FOXJ2: variants seen among roughly 807,000 people sequenced by gnomAD.
FOXJ2 encodes the protein forkhead box J2.
Under a neutral mutation model 68.4 loss-of-function variants are expected in FOXJ2, and 18 were observed. The ratio of observed to expected loss-of-function variants is 0.26; its 90% confidence interval spans 0.18 to 0.39. The LOEUF is 0.39. FOXJ2 is among the 10% of genes least tolerant of loss of function. The probability of loss-of-function intolerance (pLI) is 1.00; values close to 1 mark genes in which losing one functional copy is unlikely to be tolerated. For missense variants in FOXJ2, 670 were observed against 726.5 expected (o/e 0.92, Z 0.89); for synonymous variants, 274 against 263.2 (o/e 1.04, Z -0.40).
intron 3 of FOXJ2, 117 bp downstream of exon 3, chr12:8,042,849 A>C: frequency 1.2e-6 from 1 of 837,064 alleles, no homozygotes. Flanking sequence ...CTAATTAGAG[A>C]AGCATCTTTA....
chr12:8,039,978 A>G lies in FOXJ2; in HGVS notation c.146A>G (p.Asp49Gly). 6.2e-7 allele frequency: 1 copy of G among 1,614,050 alleles called. No individual in the cohort carries two copies. Among genetic ancestry groups the G allele is most frequent in the Non-Finnish European group, 8.5e-7 (1 of 1,180,012 alleles). Residue 49 changes from aspartate to glycine, a missense_variant, in exon 2 of 11, where the codon GAT becomes GGT. Physicochemically the swap from Asp to Gly is moderately conservative, Grantham distance 94 (BLOSUM62 -1). Around this residue, in one of 2 missense-constraint regions of FOXJ2, gnomAD observed 115 missense variants for 164.3 expected, o/e 0.70. Coordinates refer to ENST00000162391, the MANE Select transcript of FOXJ2 (RefSeq NM_018416.3). Reference sequence around the variant, plus strand: ...AAGTGTTCACCAGGGTCACCCACAGATCCTAATGCCACCCTGAGCAAAGAC... The same window carrying G: ...AAGTGTTCACCAGGGTCACCCACAGGTCCTAATGCCACCCTGAGCAAAGAC... ...SRKCSPGSPT[D>G]PNATLSKDEA...
rs1217162338 is a variant in FOXJ2 at position 8,055,314 on chromosome 12, T to C, written c.*2464T>C. The stretch of plus-strand genomic sequence containing the variant: ...AGGAGAGGGACAAAAGGAGTAATTA[T>C]TTGGTATAGATCCACCCATCCCAAC... On this transcript the variant is annotated 3_prime_UTR_variant, in exon 11 of 11. Transcript: ENST00000162391. The C allele has an allele frequency of 1.3e-5, 2 of 152,594 alleles. No homozygotes were observed. The highest frequency in any genetic ancestry group is 4.8e-5 in the African/African-American group (2 of 41,424). 9.5% of individuals were successfully genotyped at this position (152,594 alleles called of 1,614,324 possible). A position where few individuals can be genotyped will look rare whatever the true frequency, so the allele number is the denominator to read the frequency against.
Position 8,049,481 on chromosome 12 carries a change from C to G in FOXJ2, c.1447C>G (p.Gln483Glu). The G allele has an allele frequency of 3.7e-6, 6 of 1,614,118 alleles. No individual in the cohort carries two copies. Among genetic ancestry groups the G allele is most frequent in the Non-Finnish European group, 5.1e-6 (6 of 1,179,992 alleles). ...FLTQTGHVPPQGGTHRPPAPA... is the reference protein window; with the variant it reads ...FLTQTGHVPPEGGTHRPPAPA... ...TACTCAGACTGGTCACGTGCCCCCT[C>G]AAGGGGGTACCCACCGCCCACCAGC... is the stretch of plus-strand genomic sequence containing the variant. Residue 483 changes from glutamine (Q) to glutamate (E), a missense_variant, in exon 9 of 11, where the codon CAA becomes GAA. By Grantham distance (29) the Gln-to-Glu change is conservative. Coordinates refer to ENST00000162391, the MANE Select transcript of FOXJ2 (RefSeq NM_018416.3).
At chr12:8,048,345 T>A in intron 7 of FOXJ2, 56 bp downstream of exon 7, 1 of 1,505,212 alleles carries the variant, frequency 6.6e-7, no homozygotes, top group Non-Finnish European at 8.9e-7. Context: ...GTCCTTGTCC[T>A]AACACCGGCA....
In FOXJ2 at chr12:8,033,052, C is replaced by T. The variant is rs1946855848; in HGVS notation, c.-796C>T. The T allele has an allele frequency of 5.1e-6, 2 of 393,914 alleles. No homozygotes were observed. The allele number at this position is 393,914 out of a possible 1,614,324, so 24.4% of individuals were successfully genotyped here. A position where few individuals can be genotyped will look rare whatever the true frequency, so the allele number is the denominator to read the frequency against. On this transcript the variant is annotated 5_prime_UTR_variant, in exon 1 of 11. Coordinates refer to ENST00000162391, the MANE Select transcript of FOXJ2 (RefSeq NM_018416.3). ...CTCTCCCCCTGTTGGAGAGAAAAGA[C>T]CCTTACCACTCGGGTGAGGGAAAGA...
rs1313175793 is a variant in FOXJ2 at position 8,035,667 on chromosome 12, G to A, written c.-15+1834G>A. Reference sequence around the variant, plus strand: ...ACATCTCCAAGTACACCACCGCCACGCAGTTTAACTGGCCCTGCTTGGACT... The same window carrying A: ...ACATCTCCAAGTACACCACCGCCACACAGTTTAACTGGCCCTGCTTGGACT... On this transcript the variant is annotated intron_variant, in intron 1 of 10. Transcript: ENST00000162391. This position sits in a 1 kb window ranked among gnomAD's most constrained non-coding sequence, Gnocchi z 4.0. 6.6e-6 allele frequency among the ~76,000 whole-genome samples: 1 copy of A among 152,150 alleles called. No individual in the cohort carries two copies. The highest frequency in any genetic ancestry group is 1.5e-5 in the Non-Finnish European group (1 of 68,026).
Position 8,052,867 on chromosome 12 carries a change from G to T in FOXJ2, c.*17G>T. 6.3e-7 allele frequency: 1 copy of T among 1,592,920 alleles called. No homozygotes were observed. The highest frequency in any genetic ancestry group is 1.8e-4 in the Middle Eastern group (1 of 5,554). Reference sequence around the variant, plus strand: ...ATCACTTAGTGCATCACAGAGTGTGGACATCAGCCCAGGGCCGCGTGGTGA... The same window carrying T: ...ATCACTTAGTGCATCACAGAGTGTGTACATCAGCCCAGGGCCGCGTGGTGA... On this transcript the variant is annotated 3_prime_UTR_variant, in exon 11 of 11. Coordinates refer to ENST00000162391, the MANE Select transcript of FOXJ2 (RefSeq NM_018416.3).
intron 8 of FOXJ2, 123 bp downstream of exon 8, chr12:8,048,921 CT>C: frequency 1.4e-6 from 1 of 719,374 alleles, no homozygotes; most frequent in Non-Finnish European, 2.4e-6. Context: ...GTTTTTCTTT[CT>C]TTTTACACAA....
Position 8,049,409 on chromosome 12 carries a change from G to A in FOXJ2, c.1375G>A (p.Asp459Asn), listed in dbSNP as rs759907468. The change falls in exon 9 of 11, where the codon GAC (aspartate) becomes AAC (asparagine). Residue 459 changes from aspartate (D) to asparagine (N), a missense_variant. By Grantham distance (23) the Asp-to-Asn change is conservative (BLOSUM62 1). This residue lies in a region of FOXJ2 where 555 missense variants were observed against 562.2 expected (regional missense o/e 0.99). Coordinates refer to ENST00000162391, the MANE Select transcript of FOXJ2 (RefSeq NM_018416.3). ...RQAEQKNWTL[D>N]QHHIANLCDS... ...GGCAGAGCAGAAGAACTGGACCCTC[G>A]ACCAGCATCACATTGCCAATCTGTG... is the stretch of plus-strand genomic sequence containing the variant. 7.4e-6 allele frequency: 12 copies of A among 1,613,944 alleles called. No individual in the cohort carries two copies. The highest frequency in any genetic ancestry group is 2.2e-5 in the South Asian group (2 of 91,010).
At position 8,044,678 on chromosome 12, in the gene FOXJ2, A is replaced by C. The variant is rs146734140; in HGVS notation, c.619-82A>C. 6.9e-6 allele frequency: 10 copies of C among 1,454,906 alleles called. No homozygotes were observed. In the East Asian group the frequency reaches 2.3e-4, roughly 33 times the overall value. 90.1% of individuals were successfully genotyped at this position (1,454,906 alleles called of 1,614,324 possible). A position where few individuals can be genotyped will look rare whatever the true frequency, so the allele number is the denominator to read the frequency against. On this transcript the variant is annotated intron_variant, in intron 5 of 10. Transcript: ENST00000162391. ...CTAGGCGAGGATGAAGAGGACAGACAGGAGAGCCTGGTGACCATTGAAGGG... is the reference window on the plus strand; with the variant it reads ...CTAGGCGAGGATGAAGAGGACAGACCGGAGAGCCTGGTGACCATTGAAGGG...
chr12:8,044,889 G>A lies in FOXJ2; in HGVS notation c.748G>A (p.Asp250Asn). Residue 250 changes from aspartate (D) to asparagine (N), a missense_variant, in exon 6 of 11, where the codon GAT becomes AAT. Asp to Asn is a conservative substitution (Grantham distance 23, BLOSUM62 1). Around this residue, in one of 2 missense-constraint regions of FOXJ2, gnomAD observed 555 missense variants for 562.2 expected, o/e 0.99. Coordinates refer to ENST00000162391, the MANE Select transcript of FOXJ2 (RefSeq NM_018416.3). ...KFSYSEINFQ[D>N]LSWSFRNLYK... ...CTCCTACTCAGAGATCAACTTTCAG[G>A]ATCTAAGCTGGTCCTTCCGCAACCT... 1 of 1,614,136 alleles carries A rather than the reference G, an allele frequency of 6.2e-7. No individual in the cohort carries two copies. The highest frequency in any genetic ancestry group is 1.1e-5 in the South Asian group (1 of 91,086).
In FOXJ2 at chr12:8,047,961, A is replaced by ACAGCAGCAG. The variant is rs372118289; in HGVS notation, c.911_919dup (p.Gln304_Gln306dup). 4 of 1,609,782 alleles carry ACAGCAGCAG rather than the reference A, an allele frequency of 2.5e-6. No homozygotes were observed. Among genetic ancestry groups the ACAGCAGCAG allele is most frequent in the East Asian group, 2.2e-5 (1 of 44,696 alleles). On this transcript the variant is annotated inframe_insertion, in exon 7 of 11. Coordinates refer to ENST00000162391, the MANE Select transcript of FOXJ2 (RefSeq NM_018416.3). ...AGCAGCAGCAGCCACCGCCACCTCA[A>ACAGCAGCAG]CAGCAGCAGCAGCAGCAGCAGCCGC...
rs1385431166 is a variant in FOXJ2 at position 8,044,042 on chromosome 12, A to G, written c.569A>G (p.Asn190Ser). Residue 190 changes from asparagine (N) to serine (S), a missense_variant, in exon 5 of 11, where the codon AAT becomes AGT. Asn to Ser is a conservative substitution (Grantham distance 46). This residue lies in a region of FOXJ2 where 555 missense variants were observed against 562.2 expected (regional missense o/e 0.99). Coordinates refer to ENST00000162391, the MANE Select transcript of FOXJ2 (RefSeq NM_018416.3). Reference protein sequence around the residue: ...SGEASLPPEGNPQMSLQSPTS... With the variant: ...SGEASLPPEGSPQMSLQSPTS... ...GAAGCCTCACTGCCTCCTGAGGGGA[A>G]TCCGCAGATGTCACTTCAGAGCCCC... is the stretch of plus-strand genomic sequence containing the variant. The G allele has an allele frequency of 1.9e-6, 3 of 1,584,044 alleles. No homozygotes were observed. Among genetic ancestry groups the G allele is most frequent in the African/African-American group, 2.7e-5 (2 of 73,392 alleles).
chr12:8,037,840 C>G (rs1946917185), intron 1 of FOXJ2, among the ~76,000 whole-genome samples: 2 of 152,160 alleles, frequency 1.3e-5, no homozygotes, highest in Admixed American at 1.3e-4. Context: ...TGCTATAGCC[C>G]AGGGACTGGG....
chr12:8,049,413 A>G lies in FOXJ2; in HGVS notation c.1379A>G (p.Gln460Arg). 1 of 1,614,172 alleles carries G rather than the reference A, an allele frequency of 6.2e-7. No individual in the cohort carries two copies. The highest frequency in any genetic ancestry group is 2.2e-5 in the East Asian group (1 of 44,886). ...QAEQKNWTLD[Q>R]HHIANLCDSL... ...GAGCAGAAGAACTGGACCCTCGACC[A>G]GCATCACATTGCCAATCTGTGTGAC... Residue 460 changes from glutamine (Q) to arginine (R), a missense_variant, in exon 9 of 11, where the codon CAG (glutamine) becomes CGG (arginine). Physicochemically the swap from Gln to Arg is conservative, Grantham distance 43. Around this residue, in one of 2 missense-constraint regions of FOXJ2, gnomAD observed 555 missense variants for 562.2 expected, o/e 0.99. Coordinates refer to ENST00000162391, the MANE Select transcript of FOXJ2 (RefSeq NM_018416.3).
chr12:8,048,301 G>A lies in FOXJ2; in HGVS notation c.1225+12G>A, dbSNP rs1947067940. ...CAACACTGGCTTTGGTGAGTAAGGA[G>A]GGTGCACAGTGATCTAGAGGAGGGT... On this transcript the variant is annotated intron_variant, in intron 7 of 10. Transcript: ENST00000162391. 3 of 1,548,286 alleles carry A rather than the reference G, an allele frequency of 1.9e-6. No individual in the cohort carries two copies. Among genetic ancestry groups the A allele is most frequent in the South Asian group, 2.5e-5 (2 of 81,266 alleles).
At chr12:8,042,854 T>C (rs1946983053) in intron 3 of FOXJ2, 122 bp downstream of exon 3, 1 of 817,154 alleles carries the variant, frequency 1.2e-6, no homozygotes, top group Non-Finnish European at 2.0e-6. Flanking sequence ...TAGAGAAGCA[T>C]CTTTATTTTT....
chr12:8,042,562 G>A, intron 2 of FOXJ2, 96 bp from the exon 3 acceptor site: 1 of 977,820 alleles, frequency 1.0e-6, no homozygotes, highest in Admixed American at 1.9e-5. Context: ...CAACTGCATG[G>A]TGTATTATGT....
rs1183575115 is a variant in FOXJ2, at chr12:8,048,686, C to T, written c.1226-11C>T. 6.2e-7 allele frequency: 1 copy of T among 1,611,248 alleles called. No individual in the cohort carries two copies. Among genetic ancestry groups the T allele is most frequent in the East Asian group, 2.2e-5 (1 of 44,872 alleles). On this transcript the variant is annotated splice_polypyrimidine_tract_variant and intron_variant, in intron 7 of 10. Coordinates refer to ENST00000162391, the MANE Select transcript of FOXJ2 (RefSeq NM_018416.3). ...TCTATCTTATTATCCACTTTCCCCT[C>T]CTCTTTACAGCCTTTCCTTCTGACT...
Sources: allele counts gnomAD v4.1 joint callset (sites outside exome capture counted in the v4.1 genomes callset), GRCh38; gene constraint gnomAD v4.1.1; regional missense constraint gnomAD v4.1.1; non-coding constraint Gnocchi (gnomAD v3.1); transcripts MANE v1.5; gene names NCBI Gene and HGNC (gene_info 2026-07-23, HGNC 2026-07-21).